Variants in PTPRD observed in about 807,000 individuals in gnomAD.
The protein encoded by PTPRD is protein tyrosine phosphatase receptor type D, also known as receptor-type tyrosine-protein phosphatase delta.
PTPRD carries 34 observed loss-of-function variants against 214.5 expected under a neutral mutation model. The ratio of observed to expected loss-of-function variants is 0.16; its 90% CI spans 0.12 to 0.21. The LOEUF (loss-of-function observed/expected upper bound fraction) is 0.21. Among genes scored for constraint, PTPRD ranks in the 10% least tolerant of loss-of-function variants. PTPRD has a pLI of 1.00. For missense variants in PTPRD, 2,545 were observed against 2,398.7 expected, an observed-to-expected ratio of 1.06 and a Z score of -1.27; for synonymous variants, 1,128 against 845.7, an observed-to-expected ratio of 1.33 and a Z score of -5.79.
At chr9:8,713,355 C>G (rs1043372720) in intron 12 of PTPRD, 12 of 1,008,978 alleles carry the variant, frequency 1.2e-5, no homozygotes, top group Non-Finnish European at 1.8e-5. Flanking sequence ...TAGTGGGTCG[C>G]CGCCTGCCCA....
chr9:8,568,017 A>G (rs2089937692), intron 14 of PTPRD, among the ~76,000 whole-genome samples: 1 of 152,152 alleles, frequency 6.6e-6, no homozygotes, highest in Non-Finnish European at 1.5e-5. Flanking sequence ...GCTGTCAACC[A>G]TTTTTAATGG....
At position 8,340,360 on chromosome 9, in the gene PTPRD, G is replaced by C. The variant is rs562678468; in HGVS notation, c.5236C>G (p.Leu1746Val). The change falls in exon 42 of 46, where the codon CTG becomes GTG. Residue 1746 changes from leucine (L) to valine (V), a missense_variant. Physicochemically the swap from Leu to Val is conservative, Grantham distance 32. Coordinates refer to ENST00000381196, the MANE Select transcript of PTPRD (RefSeq NM_002839.4). The part of the protein sequence containing the change: ...NSTIVVMLTK[L>V]REMGREKCHQ... Reference sequence around the variant, plus strand: ...ACACTTACTCTGCCCATTTCACGCAGCTTGGTGAGCATCACAACTATGGTG... The same window carrying C: ...ACACTTACTCTGCCCATTTCACGCACCTTGGTGAGCATCACAACTATGGTG... The C allele has an allele frequency of 6.2e-7, 1 of 1,609,412 alleles. No homozygotes were observed. Among genetic ancestry groups the C allele is most frequent in the East Asian group, 2.2e-5 (1 of 44,834 alleles).
chr9:8,435,231 C>G (rs926128247), intron 35 of PTPRD, among the ~76,000 whole-genome samples: 2 of 152,164 alleles, frequency 1.3e-5, no homozygotes, highest in African/African-American at 2.4e-5. Flanking sequence ...TTTGGGAAGG[C>G]CATGCCACAG....
intron 11 of PTPRD, among the ~76,000 whole-genome samples, chr9:8,779,963 A>G (rs2095630598): frequency 1.3e-5 from 2 of 152,092 alleles, no homozygotes; most frequent in Non-Finnish European, 2.9e-5. Flanking sequence ...ACTGTTACTA[A>G]CCATAATATT....
chr9:9,931,136 T>C (rs753855118), intron 5 of PTPRD, among the ~76,000 whole-genome samples: 1 of 152,140 alleles, frequency 6.6e-6, no homozygotes, highest in African/African-American at 2.4e-5. Flanking sequence ...TTTTCAAAAT[T>C]AGAAGTTACT....
chr9:9,645,909 G>C (rs557271337), intron 7 of PTPRD, among the ~76,000 whole-genome samples: 1 of 152,002 alleles, frequency 6.6e-6, no homozygotes, highest in South Asian at 2.1e-4. Flanking sequence ...ATTATTAATT[G>C]TTGTGGATAC....
At chr9:9,148,893 A>G (rs745908126) in intron 10 of PTPRD, among the ~76,000 whole-genome samples, 5 of 152,238 alleles carry the variant, frequency 3.3e-5, no homozygotes, top group Non-Finnish European at 7.3e-5. Flanking sequence ...CAAAAGCTAG[A>G]ACAAAATGGT....
At chr9:9,533,038 T>C (rs1182969329) in intron 8 of PTPRD, among the ~76,000 whole-genome samples, 1 of 152,164 alleles carries the variant, frequency 6.6e-6, no homozygotes, top group Non-Finnish European at 1.5e-5. Context: ...ATCCTTGGCT[T>C]TTTTATGGAT....
chr9:9,224,023 A>T (rs1490872473), intron 9 of PTPRD, among the ~76,000 whole-genome samples: 3 of 152,176 alleles, frequency 2.0e-5, no homozygotes, highest in East Asian at 1.9e-4. Flanking sequence ...GCTTACTTTC[A>T]TCTGATTAGA....
intron 45 of PTPRD, among the ~76,000 whole-genome samples, chr9:8,318,915 T>C (rs149475603): frequency 9.1e-4 from 138 of 152,178 alleles, no homozygotes; most frequent in African/African-American, 3.1e-3. Flanking sequence ...AGTAGACAGA[T>C]AGTTTCTATT....
At chr9:8,927,796 A>G (rs553195965) in intron 11 of PTPRD, among the ~76,000 whole-genome samples, 2 of 152,308 alleles carry the variant, frequency 1.3e-5, no homozygotes, top group African/African-American at 4.8e-5. Flanking sequence ...GACTTCCACA[A>G]TGGTTGAACT....
At chr9:9,155,735 T>C (rs888472352) in intron 10 of PTPRD, among the ~76,000 whole-genome samples, 2 of 152,178 alleles carry the variant, frequency 1.3e-5, no homozygotes, top group African/African-American at 2.4e-5. Flanking sequence ...CTACATCAAA[T>C]GCCTGATGTG....
chr9:8,865,880 C>G (rs534561443), intron 11 of PTPRD, among the ~76,000 whole-genome samples: 26 of 152,194 alleles, frequency 1.7e-4, no homozygotes, highest in African/African-American at 5.8e-4. Flanking sequence ...TAGAGTCTAA[C>G]GGGAGTGGAT....
intron 5 of PTPRD, among the ~76,000 whole-genome samples, chr9:9,864,030 C>G (rs941106320): frequency 5.9e-5 from 9 of 152,082 alleles, no homozygotes; most frequent in South Asian, 4.1e-4. Context: ...TTTGGCCGGG[C>G]GCGGTGGCTC....
At chr9:9,204,282 C>G (rs927933951) in intron 9 of PTPRD, among the ~76,000 whole-genome samples, 1 of 152,140 alleles carries the variant, frequency 6.6e-6, no homozygotes, top group Admixed American at 6.5e-5. Flanking sequence ...TCTGATGCTT[C>G]CAGTGACTAC....
chr9:8,529,966 C>G (rs953206536), intron 14 of PTPRD, among the ~76,000 whole-genome samples: 13 of 152,194 alleles, frequency 8.5e-5, no homozygotes, highest in South Asian at 6.2e-4. Flanking sequence ...CTCACGGCCA[C>G]TGATAAATTT....
At chr9:9,639,130 T>C (rs1428912724) in intron 7 of PTPRD, among the ~76,000 whole-genome samples, 1 of 152,222 alleles carries the variant, frequency 6.6e-6, no homozygotes, top group East Asian at 1.9e-4. Context: ...TACAGTTTTA[T>C]GAGTTAATAA....
intron 2 of PTPRD, among the ~76,000 whole-genome samples, chr9:10,482,163 A>T (rs987373626): frequency 2.0e-5 from 3 of 152,042 alleles, no homozygotes; most frequent in Admixed American, 6.6e-5. Context: ...CGAGGTCAGG[A>T]GATTGAGACC....
chr9:9,394,792 T>G (rs2067148987), intron 9 of PTPRD, among the ~76,000 whole-genome samples: 3 of 152,062 alleles, frequency 2.0e-5, no homozygotes, highest in African/African-American at 7.2e-5. Flanking sequence ...TCTAAAACAA[T>G]GGCTTCCAAG....
Sources: gnomAD v4.1 joint callset for allele counts (sites outside exome capture counted in the v4.1 genomes callset) on GRCh38, gnomAD v4.1.1 for gene constraint, MANE v1.5 for transcripts, NCBI Gene and HGNC (gene_info 2026-07-23, HGNC 2026-07-21) for gene names.